IL17RD: variants seen among roughly 807,000 people sequenced by gnomAD.
IL17RD encodes interleukin-17 receptor D.
A neutral mutation model predicts 80.5 loss-of-function variants in IL17RD; 52 were observed. That is an observed-to-expected ratio of 0.65 (90% CI 0.52 to 0.81). The LOEUF is 0.81. Ranked by LOEUF, IL17RD falls within the 40% of genes least tolerant of loss-of-function variation. The pLI is 0.00. For synonymous variants in IL17RD, 416 were observed against 391.8 expected, an observed-to-expected ratio of 1.06 and a Z score of -0.73; for missense variants, 1,024 against 955.1, an observed-to-expected ratio of 1.07 and a Z score of -0.95.
intron 3 of IL17RD, among the ~76,000 whole-genome samples, chr3:57,114,444 A>T (rs1707166361): frequency 6.6e-6 from 1 of 152,186 alleles, no homozygotes; most frequent in African/African-American, 2.4e-5. Context: ...TTTATTACTC[A>T]CACAATATTA....
intron 3 of IL17RD, among the ~76,000 whole-genome samples, chr3:57,111,961 CAA>C (rs771559642): frequency 1.1e-4 from 10 of 91,646 alleles, no homozygotes; most frequent in Admixed American, 1.2e-4. Flanking sequence ...GACTCTGTCT[CAA>C]AAAAAAAAAA....
chr3:57,105,552 A>AAAAAAAAAATATATATAT, intron 7 of IL17RD, among the ~76,000 whole-genome samples: 1 of 63,588 alleles, frequency 1.6e-5, no homozygotes, highest in Non-Finnish European at 2.8e-5. Flanking sequence ...AAAAAAAAAA[A>AAAAAAAAAATATATATAT]ATATATATAT....
At chr3:57,134,126 G>A (rs116627710) in intron 1 of IL17RD, 18,672 of 582,484 alleles carry the variant, frequency 0.032, 398 homozygotes, top group Admixed American at 0.049. Flanking sequence ...TCGCTGCTGC[G>A]GCCACAGCCA....
Position 57,099,922 on chromosome 3 carries a change from C to T in IL17RD, c.1164+1257G>A, listed in dbSNP as rs17057702. 8.5e-3 allele frequency among the ~76,000 whole-genome samples: 1,298 copies of T among 152,210 alleles called. 12 individuals are homozygous for T. Among genetic ancestry groups the T allele is most frequent in the African/African-American group, 0.03 (1,241 of 41,528 alleles). On this transcript the variant is annotated intron_variant, in intron 11 of 12. Transcript: ENST00000296318. ...CTGCAAAAAATCATTTCAATCAGCC[C>T]CAAAGGCAAAACTGTACGTGTGAGT...
In IL17RD at chr3:57,104,397, G is replaced by A; in HGVS notation, c.758C>T (p.Thr253Ile). ...KRKTCKQEQT[T>I]ETTSCLLQNV... ...TTGAAGGAGGCAGCTGGTCGTCTCT[G>A]TAGTTTGCTCCTGCAACAGACCAAA... The change falls in exon 8 of 13, where the codon ACA (threonine) becomes ATA (isoleucine). Residue 253 changes from threonine (T) to isoleucine (I), a missense_variant. Physicochemically the swap from Thr to Ile is moderately conservative, Grantham distance 89. Coordinates refer to ENST00000296318, the MANE Select transcript of IL17RD (RefSeq NM_017563.5). The A allele has an allele frequency of 6.2e-7, 1 of 1,606,880 alleles. No homozygotes were observed. Among genetic ancestry groups the A allele is most frequent in the East Asian group, 2.2e-5 (1 of 44,850 alleles).
chr3:57,144,848 C>T (rs1707894931), intron 1 of IL17RD, among the ~76,000 whole-genome samples: 1 of 152,226 alleles, frequency 6.6e-6, no homozygotes, highest in Non-Finnish European at 1.5e-5. Flanking sequence ...AGAGCTGCTG[C>T]ACTCTTATCT....
chr3:57,115,787 A>G (rs1707203182), intron 2 of IL17RD, among the ~76,000 whole-genome samples: 2 of 152,152 alleles, frequency 1.3e-5, no homozygotes, highest in Non-Finnish European at 2.9e-5. Flanking sequence ...ATCTGCTGCA[A>G]AAGATCATCA....
chr3:57,160,660 C>G (rs1172162663), intron 1 of IL17RD, among the ~76,000 whole-genome samples: 2 of 152,196 alleles, frequency 1.3e-5, no homozygotes, highest in African/African-American at 4.8e-5. Flanking sequence ...TCTTCACATT[C>G]TTCTCTAAGG....
chr3:57,156,396 T>C (rs867615635), intron 1 of IL17RD, among the ~76,000 whole-genome samples: 2 of 152,014 alleles, frequency 1.3e-5, no homozygotes, highest in Non-Finnish European at 2.9e-5. Flanking sequence ...AAACCCCATC[T>C]CTACAAAAAA....
chr3:57,163,803 A>AGGGGGGG (rs1401715931), intron 1 of IL17RD, among the ~76,000 whole-genome samples: 26 of 5,544 alleles, frequency 4.7e-3, no homozygotes, highest in Middle Eastern at 0.042. Context: ...CGGGGGGGGA[A>AGGGGGGG]GGGGGTGGCG....
At chr3:57,152,426 T>A (rs1049960081) in intron 1 of IL17RD, among the ~76,000 whole-genome samples, 8 of 152,228 alleles carry the variant, frequency 5.3e-5, no homozygotes, top group African/African-American at 1.9e-4. Context: ...GTCCCACTAT[T>A]ACATCTCGGC....
At chr3:57,114,115 C>T (rs1011584684) in intron 3 of IL17RD, among the ~76,000 whole-genome samples, 11 of 150,142 alleles carry the variant, frequency 7.3e-5, no homozygotes, top group Admixed American at 1.3e-4. Context: ...AACTGGAAGG[C>T]GGAAGTTGCA....
In IL17RD at chr3:57,098,541, G is replaced by A; in HGVS notation, c.1165-3C>T. 1 of 1,578,694 alleles carries A rather than the reference G, an allele frequency of 6.3e-7. No individual in the cohort carries two copies. Among genetic ancestry groups the A allele is most frequent in the Non-Finnish European group, 8.6e-7 (1 of 1,160,702 alleles). On this transcript the variant is annotated splice_polypyrimidine_tract_variant and splice_region_variant and intron_variant, in intron 11 of 12. Coordinates refer to ENST00000296318, the MANE Select transcript of IL17RD (RefSeq NM_017563.5). ...TCTTCCCACAGGTCCAGAGCCACCT[G>A]GAAAGAGAACAAGGCACCTCACCCA...
chr3:57,109,658 C>T lies in IL17RD; in HGVS notation c.430-1G>A. The T allele has an allele frequency of 6.2e-7, 1 of 1,612,324 alleles. No homozygotes were observed. Among genetic ancestry groups the T allele is most frequent in the Non-Finnish European group, 8.5e-7 (1 of 1,179,326 alleles). Reference sequence around the variant, plus strand: ...TCAGGAAAGGTTGAGATTCCATTCCCTAAAAGGGAACAAAAACACAGTGAC... The same window carrying T: ...TCAGGAAAGGTTGAGATTCCATTCCTTAAAAGGGAACAAAAACACAGTGAC... On this transcript the variant is annotated splice_acceptor_variant, in intron 4 of 12. Coordinates refer to ENST00000296318, the MANE Select transcript of IL17RD (RefSeq NM_017563.5). LOFTEE classifies it high-confidence loss of function.
At position 57,109,539 on chromosome 3, in the gene IL17RD, C is replaced by T. The variant is rs192587822; in HGVS notation, c.548G>A (p.Arg183Gln). The T allele has an allele frequency of 1.5e-5, 24 of 1,613,278 alleles. No homozygotes were observed. Among genetic ancestry groups the T allele is most frequent in the Admixed American group, 3.3e-5 (2 of 59,888 alleles). The change falls in exon 5 of 13, where the codon CGA becomes CAA. Residue 183 changes from arginine (R) to glutamine (Q), a missense_variant and splice_region_variant. By Grantham distance (43) the Arg-to-Gln change is conservative (BLOSUM62 1). Transcript: ENST00000296318. The stretch of plus-strand genomic sequence containing the variant: ...CAGGCAGGAAAGGCCATACTCACCT[C>T]GGGTTCTAAAGAAGAAAGGGTGGTA... Reference protein sequence around the residue: ...SNYHPFFFRTRACDLLLQPDN... With the variant: ...SNYHPFFFRTQACDLLLQPDN...
chr3:57,123,422 G>C (rs931048921), intron 1 of IL17RD, among the ~76,000 whole-genome samples: 3 of 152,126 alleles, frequency 2.0e-5, no homozygotes, highest in African/African-American at 7.2e-5. Flanking sequence ...CTGCAGTTCT[G>C]CTCGGAAAAT....
chr3:57,146,799 C>CGT (rs1309151053), intron 1 of IL17RD, among the ~76,000 whole-genome samples: 1 of 141,454 alleles, frequency 7.1e-6, no homozygotes. Flanking sequence ...GTCAATATTT[C>CGT]GTGTGTGTGT....
intron 1 of IL17RD, among the ~76,000 whole-genome samples, chr3:57,152,984 G>A (rs1430985130): frequency 6.6e-6 from 1 of 152,202 alleles, no homozygotes; most frequent in Non-Finnish European, 1.5e-5. Flanking sequence ...CCCCGTCTCT[G>A]AGGGCGACAT....
chr3:57,124,392 T>C lies in IL17RD; in HGVS notation c.127-4079A>G, dbSNP rs1371850158. Reference sequence around the variant, plus strand: ...GAGATGGGGAGAGTATTCTGGGTTATCCAAGTGGGCCCAATAACCACAAGG... The same window carrying C: ...GAGATGGGGAGAGTATTCTGGGTTACCCAAGTGGGCCCAATAACCACAAGG... On this transcript the variant is annotated intron_variant, in intron 1 of 12. Transcript: ENST00000296318. 2.0e-5 allele frequency among the ~76,000 whole-genome samples: 3 copies of C among 152,136 alleles called. No individual in the cohort carries two copies. The East Asian group carries it at 5.8e-4, about 29-fold the overall frequency.
Sources: allele counts gnomAD v4.1 joint callset (sites outside exome capture counted in the v4.1 genomes callset), GRCh38; gene constraint gnomAD v4.1.1; transcripts MANE v1.5; gene names NCBI Gene and HGNC (gene_info 2026-07-23, HGNC 2026-07-21).